SLC30A9: variants seen among roughly 807,000 people sequenced by gnomAD.
SLC30A9 encodes the protein proton-coupled zinc antiporter SLC30A9, mitochondrial.
A neutral mutation model predicts 87.5 loss-of-function variants in SLC30A9; 58 were observed. The ratio of observed to expected loss-of-function variants is 0.66; its 90% CI spans 0.54 to 0.82. The LOEUF is 0.82. Among genes scored for constraint, SLC30A9 ranks in the 40% least tolerant of loss-of-function variants. SLC30A9 has a pLI of 0.00. For synonymous variants in SLC30A9, 234 were observed against 233.0 expected, an observed-to-expected ratio of 1.00 and a Z score of -0.04; for missense variants, 557 against 679.1, an observed-to-expected ratio of 0.82 and a Z score of 2.00.
chr4:42,010,989 A>C (rs908714512), intron 2 of SLC30A9, among the ~76,000 whole-genome samples: 1 of 152,156 alleles, frequency 6.6e-6, no homozygotes, highest in Non-Finnish European at 1.5e-5. Context: ...CCCCCACAGA[A>C]GGAGACTGAA....
At chr4:42,065,384 AT>A in intron 12 of SLC30A9, 35 bp downstream of exon 12, 1 of 1,054,986 alleles carries the variant, frequency 9.5e-7, no homozygotes, top group Non-Finnish European at 1.5e-6. Flanking sequence ...TCTATTCTTA[AT>A]TTAGTAATAT....
At chr4:41,994,460 T>A (rs187636461) in intron 1 of SLC30A9, among the ~76,000 whole-genome samples, 2 of 151,450 alleles carry the variant, frequency 1.3e-5, no homozygotes, top group African/African-American at 4.9e-5. Flanking sequence ...TTGGCAAAAA[T>A]TTGAGAGGGG....
Position 42,009,924 on chromosome 4 carries a change from C to T in SLC30A9, c.274+8144C>T, listed in dbSNP as rs901447020. ...TCCCTTCACTCCTCTCTGCCCTGCT[C>T]TCTGTTTCCCAAAGCTAAATTGTAA... is the stretch of plus-strand genomic sequence containing the variant. On this transcript the variant is annotated intron_variant, in intron 2 of 17. Coordinates refer to ENST00000264451, the MANE Select transcript of SLC30A9 (RefSeq NM_006345.4). 5.9e-5 allele frequency among the ~76,000 whole-genome samples: 9 copies of T among 152,204 alleles called. No individual in the cohort carries two copies. In the East Asian group the frequency reaches 1.7e-3, roughly 29 times the overall value.
intron 8 of SLC30A9, among the ~76,000 whole-genome samples, chr4:42,041,291 GT>G (rs1373823591): frequency 3.4e-5 from 5 of 148,812 alleles, no homozygotes; most frequent in Non-Finnish European, 4.5e-5. Flanking sequence ...AGAAGCGTTT[GT>G]TTTTTTTTTG....
chr4:42,038,821 G>A (rs549446897), intron 7 of SLC30A9, among the ~76,000 whole-genome samples, 165 bp from the exon 8 acceptor site: 1 of 152,328 alleles, frequency 6.6e-6, no homozygotes, highest in South Asian at 2.1e-4. Flanking sequence ...TATGCTTTCG[G>A]TTTTAATCTT....
Position 42,049,451 on chromosome 4 carries a change from T to C in SLC30A9, c.812T>C (p.Ile271Thr). Residue 271 changes from isoleucine to threonine, a missense_variant, in exon 9 of 18, where the codon ATA (isoleucine) becomes ACA (threonine). This residue lies in a region of SLC30A9 where 467 missense variants were observed against 529.8 expected (regional missense o/e 0.88). Transcript: ENST00000264451. ...TGSASMFSEA[I>T]HSLSDTCNQG... Reference sequence around the variant, plus strand: ...TCAGCAAGTATGTTCTCAGAAGCTATACACTCATTATCTGATACTTGTAAT... The same window carrying C: ...TCAGCAAGTATGTTCTCAGAAGCTACACACTCATTATCTGATACTTGTAAT... The C allele has an allele frequency of 6.2e-7, 1 of 1,604,804 alleles. No individual in the cohort carries two copies. Among genetic ancestry groups the C allele is most frequent in the Non-Finnish European group, 8.5e-7 (1 of 1,173,746 alleles).
intron 2 of SLC30A9, among the ~76,000 whole-genome samples, chr4:42,008,548 CT>C (rs1263086219): frequency 6.6e-6 from 1 of 152,094 alleles, no homozygotes; most frequent in Non-Finnish European, 1.5e-5. Context: ...AGCCATGGGT[CT>C]GTTTGGGACA....
chr4:42,070,543 AGCCTAG>A lies in SLC30A9; in HGVS notation c.1272_1277del (p.Leu425_Gly426del). On this transcript the variant is annotated inframe_deletion, in exon 15 of 18. Transcript: ENST00000264451. ...TCATTTAGGCAATCCACTGTATGAC[AGCCTAG>A]GTTCTTTGGGTGTGGGCACCTTATT... 6.2e-7 allele frequency: 1 copy of A among 1,612,694 alleles called. No homozygotes were observed. Among genetic ancestry groups the A allele is most frequent in the African/African-American group, 1.3e-5 (1 of 74,992 alleles).
At chr4:42,008,426 G>A (rs1040905687) in intron 2 of SLC30A9, among the ~76,000 whole-genome samples, 1 of 152,160 alleles carries the variant, frequency 6.6e-6, no homozygotes. Flanking sequence ...ATGAACCTCA[G>A]TGTCTTGCTG....
intron 1 of SLC30A9, among the ~76,000 whole-genome samples, chr4:41,991,718 G>C (rs1714449782): frequency 6.6e-6 from 1 of 152,136 alleles, no homozygotes; most frequent in Admixed American, 6.5e-5. Context: ...AATAGTTCTA[G>C]GCTAGCCTTG....
intron 8 of SLC30A9, among the ~76,000 whole-genome samples, chr4:42,045,244 A>C (rs1333896561): frequency 6.6e-6 from 1 of 152,166 alleles, no homozygotes; most frequent in Non-Finnish European, 1.5e-5. Flanking sequence ...AGACACCAAA[A>C]ACCCTTCAAA....
At chr4:42,079,050 A>C (rs1718662470) in intron 17 of SLC30A9, among the ~76,000 whole-genome samples, 1 of 152,154 alleles carries the variant, frequency 6.6e-6, no homozygotes, top group Non-Finnish European at 1.5e-5. Flanking sequence ...GATTAATACA[A>C]GTACTTCAAA....
chr4:42,041,609 G>A (rs566297865), intron 8 of SLC30A9, among the ~76,000 whole-genome samples: 3 of 152,242 alleles, frequency 2.0e-5, no homozygotes, highest in South Asian at 4.1e-4. Context: ...GGTGGGTGAT[G>A]TGCGCCTGTA....
At chr4:42,013,724 G>A (rs76851608) in intron 2 of SLC30A9, among the ~76,000 whole-genome samples, 3,582 of 152,110 alleles carry the variant, frequency 0.024, 146 homozygotes, top group African/African-American at 0.082. Flanking sequence ...CCCTTCTCTC[G>A]CCATTTACAA....
intron 10 of SLC30A9, 71 bp downstream of exon 10, chr4:42,060,317 ATCTC>A: frequency 8.6e-7 from 1 of 1,168,748 alleles, no homozygotes; most frequent in Non-Finnish European, 1.3e-6. Flanking sequence ...AATATCAGAA[ATCTC>A]CTGCAATTTA....
At chr4:42,012,573 A>C (rs1715496458) in intron 2 of SLC30A9, among the ~76,000 whole-genome samples, 1 of 152,190 alleles carries the variant, frequency 6.6e-6, no homozygotes, top group Admixed American at 6.5e-5. Flanking sequence ...TGGGGTATCC[A>C]TCCCCTCAAG....
chr4:41,998,572 TC>T (rs1449290690), intron 1 of SLC30A9, among the ~76,000 whole-genome samples: 1 of 152,070 alleles, frequency 6.6e-6, no homozygotes, highest in Non-Finnish European at 1.5e-5. Flanking sequence ...CAAGCGATTC[TC>T]CTGCCTCAGC....
At chr4:42,041,725 C>A (rs1433063183) in intron 8 of SLC30A9, among the ~76,000 whole-genome samples, 1 of 152,144 alleles carries the variant, frequency 6.6e-6, no homozygotes, top group Non-Finnish European at 1.5e-5. Flanking sequence ...AAGAACAAGA[C>A]CCTGTCTTTA....
intron 1 of SLC30A9, among the ~76,000 whole-genome samples, chr4:42,000,456 T>C (rs1443763800): frequency 1.3e-5 from 2 of 152,080 alleles, no homozygotes; most frequent in South Asian, 2.1e-4. Context: ...TTTGCTTTAC[T>C]GACCCTTTAA....
Sources: gnomAD v4.1 joint callset for allele counts (sites outside exome capture counted in the v4.1 genomes callset) on GRCh38, gnomAD v4.1.1 for gene constraint, gnomAD v4.1.1 regional missense constraint, MANE v1.5 for transcripts, NCBI Gene and HGNC (gene_info 2026-07-23, HGNC 2026-07-21) for gene names.